Variants in EEF1G observed in about 807,000 individuals in gnomAD.
The protein encoded by EEF1G is eukaryotic translation elongation factor 1 gamma, also known as elongation factor 1-gamma.
EEF1G carries 14 observed loss-of-function variants against 58.3 expected under a neutral mutation model. That is an observed-to-expected ratio of 0.24 (90% CI 0.16 to 0.38). The LOEUF is 0.38. Ranked by LOEUF, EEF1G falls within the 10% of genes least tolerant of loss-of-function variation. EEF1G has a pLI of 1.00. For missense variants in EEF1G, 322 were observed against 550.1 expected (o/e 0.59, Z 4.15); for synonymous variants, 180 against 206.8 (o/e 0.87, Z 1.11).
At chr11:62,573,376 A>G (rs146780706) in intron 1 of EEF1G, 11 of 190,978 alleles carry the variant, frequency 5.8e-5, no homozygotes, top group South Asian at 3.9e-4. Flanking sequence ...GCGGAGTCCA[A>G]TTGGTCTGAC....
chr11:62,566,164 TC>T (rs1382691054), intron 7 of EEF1G, among the ~76,000 whole-genome samples: 1 of 152,200 alleles, frequency 6.6e-6, no homozygotes, highest in African/African-American at 2.4e-5. Flanking sequence ...CCTACATTTT[TC>T]ATGCCAAAAA....
chr11:62,570,169 C>A (rs1941609495), intron 5 of EEF1G, among the ~76,000 whole-genome samples: 1 of 151,746 alleles, frequency 6.6e-6, no homozygotes. Context: ...TCAAGCCATT[C>A]TCCTGCCTCA....
chr11:62,560,728 A>G (rs1446271082), intron 7 of EEF1G, among the ~76,000 whole-genome samples: 1 of 152,144 alleles, frequency 6.6e-6, no homozygotes, highest in Non-Finnish European at 1.5e-5. Flanking sequence ...TGCTGCCCCC[A>G]GGTGGAGACA....
intron 2 of EEF1G, among the ~76,000 whole-genome samples, chr11:62,572,137 G>T (rs1235297369): frequency 1.3e-5 from 2 of 151,970 alleles, no homozygotes; most frequent in Non-Finnish European, 2.9e-5. Context: ...ATATTTGTAT[G>T]AAATCTCTGG....
At chr11:62,561,085 GCT>G (rs377742688) in intron 7 of EEF1G, among the ~76,000 whole-genome samples, 15 of 152,250 alleles carry the variant, frequency 9.9e-5, no homozygotes, top group African/African-American at 2.4e-4. Flanking sequence ...CACGATTGGT[GCT>G]CTGTTTTCTT....
At chr11:62,565,054 CAG>C (rs1565260892) in intron 7 of EEF1G, among the ~76,000 whole-genome samples, 1 of 151,544 alleles carries the variant, frequency 6.6e-6, no homozygotes, top group Non-Finnish European at 1.5e-5. Context: ...GCCTGGGTGA[CAG>C]AGTGAGACTC....
chr11:62,560,041 A>G, intron 9 of EEF1G, 28 bp downstream of exon 9: 2 of 1,613,788 alleles, frequency 1.2e-6, no homozygotes, highest in Non-Finnish European at 1.7e-6. Flanking sequence ...CCCACCCTAA[A>G]GAGACTCCTC....
intron 7 of EEF1G, among the ~76,000 whole-genome samples, chr11:62,563,275 T>G (rs1389010853): frequency 1.3e-5 from 2 of 151,880 alleles, no homozygotes; most frequent in African/African-American, 4.8e-5. Flanking sequence ...TACAGGCGCC[T>G]GCTACCGCCC....
At chr11:62,572,021 T>C in intron 2 of EEF1G, 120 bp from the exon 3 acceptor site, 6 of 841,888 alleles carry the variant, frequency 7.1e-6, no homozygotes, top group Non-Finnish European at 1.2e-5. Flanking sequence ...CTATCCAAAC[T>C]CTTGATACTC....
intron 5 of EEF1G, among the ~76,000 whole-genome samples, chr11:62,568,968 C>T (rs559246043): frequency 1.4e-5 from 2 of 141,454 alleles, no homozygotes; most frequent in East Asian, 4.1e-4. Context: ...AGCGAGACTT[C>T]GTCTCAAAAA....
chr11:62,559,764 T>A lies in EEF1G; in HGVS notation c.1229A>T (p.Gln410Leu). The change falls in exon 10 of 10, where the codon CAG becomes CTG. Residue 410 changes from glutamine (Q) to leucine (L), a missense_variant. Around this residue, in one of 3 missense-constraint regions of EEF1G, gnomAD observed 208 missense variants for 323.7 expected, o/e 0.64. Coordinates refer to ENST00000329251, the MANE Select transcript of EEF1G (RefSeq NM_001404.5). The stretch of plus-strand genomic sequence containing the variant: ...GGAAAAGTACTCTCGAACCAGCGTC[T>A]GGGTCTCCTCGCTGCCAGGATCCAG... ...RKLDPGSEET[Q>L]TLVREYFSWE... The A allele has an allele frequency of 6.2e-7, 1 of 1,614,014 alleles. No homozygotes were observed.
chr11:62,572,936 C>A, intron 1 of EEF1G, 194 bp from the exon 2 acceptor site: 1 of 470,004 alleles, frequency 2.1e-6, no homozygotes, highest in Non-Finnish European at 3.7e-6. Flanking sequence ...AACTACACAC[C>A]AACTGCTAAA....
At chr11:62,567,155 A>G in intron 6 of EEF1G, 145 bp from the exon 7 acceptor site, 1 of 959,952 alleles carries the variant, frequency 1.0e-6, no homozygotes, top group Non-Finnish European at 1.6e-6. Context: ...TCATCAGTTC[A>G]CTGTGTGTCC....
At chr11:62,561,246 A>G (rs1419476190) in intron 7 of EEF1G, among the ~76,000 whole-genome samples, 1 of 152,096 alleles carries the variant, frequency 6.6e-6, no homozygotes, top group Non-Finnish European at 1.5e-5. Context: ...TTTCTACTAA[A>G]AATACAAAAA....
At chr11:62,561,853 C>T (rs1253498138) in intron 7 of EEF1G, among the ~76,000 whole-genome samples, 1 of 152,120 alleles carries the variant, frequency 6.6e-6, no homozygotes, top group African/African-American at 2.4e-5. Flanking sequence ...GCTGGGAAAG[C>T]CGGACAAACT....
intron 1 of EEF1G, 21 bp from the exon 2 acceptor site, chr11:62,572,763 C>CA (rs1941650747): frequency 2.5e-6 from 4 of 1,598,370 alleles, no homozygotes; most frequent in Non-Finnish European, 3.4e-6. Flanking sequence ...AAGAGAGGGA[C>CA]AAAATTAATG....
intron 7 of EEF1G, 59 bp downstream of exon 7, chr11:62,566,747 T>C: frequency 4.0e-6 from 6 of 1,510,504 alleles, no homozygotes; most frequent in Non-Finnish European, 5.5e-6. Flanking sequence ...AGGGGGGACA[T>C]ACAGAGGTGA....
intron 4 of EEF1G, 99 bp downstream of exon 4, chr11:62,571,441 C>T (rs1941629887): frequency 1.4e-6 from 2 of 1,463,546 alleles, no homozygotes; most frequent in African/African-American, 1.4e-5. Flanking sequence ...CCTACATATC[C>T]TTGGCATCTT....
chr11:62,569,006 C>A (rs903276096), intron 5 of EEF1G, among the ~76,000 whole-genome samples: 2 of 151,798 alleles, frequency 1.3e-5, no homozygotes, highest in African/African-American at 4.8e-5. Flanking sequence ...CCACAGAGGG[C>A]TATCGAGGAC....
Sources: gnomAD v4.1 joint callset for allele counts (sites outside exome capture counted in the v4.1 genomes callset) on GRCh38, gnomAD v4.1.1 for gene constraint, gnomAD v4.1.1 regional missense constraint, MANE v1.5 for transcripts, NCBI Gene and HGNC (gene_info 2026-07-23, HGNC 2026-07-21) for gene names.